Variants in SGCD observed in about 807,000 individuals in gnomAD.
SGCD encodes the protein delta-sarcoglycan.
Under a neutral mutation model 36.6 loss-of-function variants are expected in SGCD, and 18 were observed. The ratio of observed to expected loss-of-function variants is 0.49; its 90% CI spans 0.34 to 0.73. The LOEUF is 0.73. Among genes scored for constraint, SGCD ranks in the 30% least tolerant of loss-of-function variants. The probability of loss-of-function intolerance (pLI) is 0.01; values close to 1 mark genes in which losing one functional copy is unlikely to be tolerated. For synonymous variants in SGCD, 133 were observed against 130.6 expected (o/e 1.02, Z -0.12); for missense variants, 387 against 346.7 (o/e 1.12, Z -0.92).
At chr5:156,618,833 T>G (rs1762122727) in intron 6 of SGCD, among the ~76,000 whole-genome samples, 1 of 152,070 alleles carries the variant, frequency 6.6e-6, no homozygotes, top group Admixed American at 6.6e-5. Flanking sequence ...TTTATGCTTC[T>G]GTGTAAACTT....
chr5:156,617,646 G>A (rs950591831), intron 6 of SGCD, among the ~76,000 whole-genome samples: 1 of 152,202 alleles, frequency 6.6e-6, no homozygotes, highest in Non-Finnish European at 1.5e-5. Flanking sequence ...AGAGGGATCA[G>A]AGAGTCTATT....
intron 6 of SGCD, among the ~76,000 whole-genome samples, chr5:156,631,118 T>G (rs1369501446): frequency 6.6e-6 from 1 of 152,192 alleles, no homozygotes; most frequent in Non-Finnish European, 1.5e-5. Flanking sequence ...AGATGTCTAA[T>G]CTACTTACTG....
At chr5:155,935,454 A>T (rs1757175835) in intron 1 of SGCD, among the ~76,000 whole-genome samples, 1 of 152,198 alleles carries the variant, frequency 6.6e-6, no homozygotes, top group Non-Finnish European at 1.5e-5. Context: ...AAAATTATAT[A>T]AATGAGATAA....
chr5:155,874,534 G>A (rs1304249589), intron 1 of SGCD, among the ~76,000 whole-genome samples: 1 of 151,968 alleles, frequency 6.6e-6, no homozygotes, highest in African/African-American at 2.4e-5. Flanking sequence ...TTGTATCCAG[G>A]CTATATTAAA....
chr5:156,618,977 G>C (rs1478355824), intron 6 of SGCD, among the ~76,000 whole-genome samples: 1 of 151,878 alleles, frequency 6.6e-6, no homozygotes, highest in Non-Finnish European at 1.5e-5. Context: ...TTTGATTAAA[G>C]AGTTGATGAC....
Position 156,055,020 on chromosome 5 carries a change from T to A in SGCD, c.-281-62858T>A, listed in dbSNP as rs1291199751. 1.4e-5 allele frequency among the ~76,000 whole-genome samples: 2 copies of A among 146,216 alleles called. 1 individual carries two copies. Among genetic ancestry groups the A allele is most frequent in the Non-Finnish European group, 3.1e-5 (2 of 64,864 alleles). On this transcript the variant is annotated intron_variant, in intron 1 of 9. Transcript: ENST00000517913. The stretch of plus-strand genomic sequence containing the variant: ...TGTTTTAAGCCCACCCTGTCCCTGT[T>A]GTGTGTGACAGGGAGCCAAAAATAT...
intron 7 of SGCD, among the ~76,000 whole-genome samples, chr5:156,741,066 A>G (rs989271470): frequency 6.6e-6 from 1 of 152,164 alleles, no homozygotes; most frequent in Non-Finnish European, 1.5e-5. Context: ...AACCTCTTCT[A>G]TTTCAGCTAC....
intron 1 of SGCD, among the ~76,000 whole-genome samples, chr5:156,071,118 G>A (rs1395137558): frequency 6.6e-6 from 1 of 152,014 alleles, no homozygotes; most frequent in African/African-American, 2.4e-5. Flanking sequence ...GGTTTTTTGT[G>A]TCTCTATTTC....
At chr5:156,193,816 T>G (rs921940585) in intron 3 of SGCD, among the ~76,000 whole-genome samples, 5 of 152,158 alleles carry the variant, frequency 3.3e-5, no homozygotes, top group Non-Finnish European at 5.9e-5. Context: ...TGTGCGTAGA[T>G]TTTCAAGTTC....
intron 1 of SGCD, among the ~76,000 whole-genome samples, chr5:155,976,747 G>T (rs557254542): frequency 6.6e-6 from 1 of 152,154 alleles, no homozygotes; most frequent in Non-Finnish European, 1.5e-5. Flanking sequence ...GGCAACGGGT[G>T]TGTCCAGGCT....
At chr5:156,156,907 C>A (rs901231902) in intron 3 of SGCD, among the ~76,000 whole-genome samples, 2 of 151,430 alleles carry the variant, frequency 1.3e-5, no homozygotes, top group Non-Finnish European at 2.9e-5. Flanking sequence ...TGAGACAAAT[C>A]CAAGAAAGTA....
At chr5:155,877,000 C>T (rs372017926) in intron 1 of SGCD, among the ~76,000 whole-genome samples, 1 of 152,066 alleles carries the variant, frequency 6.6e-6, no homozygotes, top group African/African-American at 2.4e-5. Flanking sequence ...AATACATTCC[C>T]TATCTTCAAG....
chr5:155,941,689 T>C (rs541536766), intron 1 of SGCD, among the ~76,000 whole-genome samples: 3 of 152,104 alleles, frequency 2.0e-5, no homozygotes, highest in Non-Finnish European at 4.4e-5. Context: ...GTTCAATACC[T>C]CTATGCTCAA....
At chr5:156,457,860 C>T (rs932573802) in intron 3 of SGCD, among the ~76,000 whole-genome samples, 1 of 152,162 alleles carries the variant, frequency 6.6e-6, no homozygotes, top group African/African-American at 2.4e-5. Context: ...TATGTGTATG[C>T]AAGTGATGGT....
At chr5:155,798,324 C>G in the SGCD span, among the ~76,000 whole-genome samples, 1 of 152,152 alleles carries the variant, frequency 6.6e-6, no homozygotes, top group Non-Finnish European at 1.5e-5. Context: ...CAAGTATTTT[C>G]AAATATATTA....
At chr5:155,776,981 A>G in the SGCD span, among the ~76,000 whole-genome samples, 2 of 152,086 alleles carry the variant, frequency 1.3e-5, no homozygotes, top group Admixed American at 6.5e-5. Flanking sequence ...TAAAAACACT[A>G]CTATAACTTT....
chr5:156,562,540 A>G (rs1422761748), intron 4 of SGCD, among the ~76,000 whole-genome samples: 1 of 152,184 alleles, frequency 6.6e-6, no homozygotes, highest in Non-Finnish European at 1.5e-5. Flanking sequence ...AGGGTCTCAA[A>G]CGCAATTGTG....
chr5:155,839,915 G>A, the SGCD span, among the ~76,000 whole-genome samples: 1 of 150,608 alleles, frequency 6.6e-6, no homozygotes. Context: ...TTTCCGCCCA[G>A]CAACGATCTG....
intron 3 of SGCD, among the ~76,000 whole-genome samples, chr5:156,472,527 T>A (rs1755016667): frequency 6.6e-6 from 1 of 152,130 alleles, no homozygotes; most frequent in Non-Finnish European, 1.5e-5. Context: ...AAGCGATTCT[T>A]GTGCCTTGGA....
Sources: gnomAD v4.1 joint callset for allele counts (sites outside exome capture counted in the v4.1 genomes callset) on GRCh38, gnomAD v4.1.1 for gene constraint, MANE v1.5 for transcripts, NCBI Gene and HGNC (gene_info 2026-07-23, HGNC 2026-07-21) for gene names.